Variants in RNFT2 observed in about 807,000 individuals in gnomAD.
The protein encoded by RNFT2 is ring finger protein, transmembrane 2, also known as E3 ubiquitin-protein ligase RNFT2.
RNFT2 carries 36 observed loss-of-function variants against 53.0 expected under a neutral mutation model. That is an observed-to-expected ratio of 0.68 (90% CI 0.52 to 0.90). The LOEUF (loss-of-function observed/expected upper bound fraction) is 0.90, where lower values mean the gene tolerates loss of function less well. Ranked by LOEUF, RNFT2 falls within the 40% of genes least tolerant of loss-of-function variation. The pLI is 0.00. For missense variants in RNFT2, 514 were observed against 585.6 expected, an observed-to-expected ratio of 0.88 and a Z score of 1.26; for synonymous variants, 260 against 253.2, an observed-to-expected ratio of 1.03 and a Z score of -0.26.
At chr12:116,785,606 CTGTT>C (rs1566080608) in intron 7 of RNFT2, among the ~76,000 whole-genome samples, 2 of 152,272 alleles carry the variant, frequency 1.3e-5, no homozygotes, top group East Asian at 1.9e-4. Flanking sequence ...TTTGAAAAGT[CTGTT>C]TGGCCCACCA....
chr12:116,739,974 G>C (rs147384549), intron 1 of RNFT2, among the ~76,000 whole-genome samples: 1 of 152,312 alleles, frequency 6.6e-6, no homozygotes, highest in African/African-American at 2.4e-5. Flanking sequence ...GGGAGGCCAA[G>C]GCAGGCGGAT....
chr12:116,770,905 A>T (rs978526165), intron 6 of RNFT2, among the ~76,000 whole-genome samples: 1 of 151,920 alleles, frequency 6.6e-6, no homozygotes, highest in Non-Finnish European at 1.5e-5. Context: ...TGTACTTTTT[A>T]AAAGTCCTTA....
chr12:116,786,269 G>A (rs201622019), intron 7 of RNFT2, among the ~76,000 whole-genome samples: 5 of 151,872 alleles, frequency 3.3e-5, no homozygotes, highest in Middle Eastern at 3.4e-3. Context: ...TTATAGACAC[G>A]TGCCACCACG....
chr12:116,750,874 A>AT (rs1872198706), intron 4 of RNFT2, among the ~76,000 whole-genome samples: 1 of 1,100 alleles, frequency 9.1e-4, no homozygotes, highest in Non-Finnish European at 4.8e-3. Flanking sequence ...TATATATAAT[A>AT]TATATATTAT....
At chr12:116,834,042 T>G (rs776770386) in intron 8 of RNFT2, 101 bp downstream of exon 8, 13 of 910,482 alleles carry the variant, frequency 1.4e-5, no homozygotes, top group Admixed American at 4.2e-5. Flanking sequence ...CATGCTGATT[T>G]ATTTATTTAT....
intron 7 of RNFT2, among the ~76,000 whole-genome samples, chr12:116,832,975 T>C (rs1450771311): frequency 1.4e-5 from 2 of 139,176 alleles, no homozygotes; most frequent in East Asian, 4.7e-4. Context: ...TACAGTGGTG[T>C]GATATCTTGG....
At chr12:116,816,683 T>A (rs1875699577) in intron 7 of RNFT2, among the ~76,000 whole-genome samples, 1 of 152,174 alleles carries the variant, frequency 6.6e-6, no homozygotes, top group Non-Finnish European at 1.5e-5. Context: ...GGTGAACTTC[T>A]CTGAAACTGA....
chr12:116,825,112 G>A (rs767396971), intron 7 of RNFT2, among the ~76,000 whole-genome samples: 1 of 152,136 alleles, frequency 6.6e-6, no homozygotes, highest in African/African-American at 2.4e-5. Context: ...GGCAGGAATG[G>A]CCTTCTTAAG....
At chr12:116,789,141 A>G (rs374612413) in intron 7 of RNFT2, among the ~76,000 whole-genome samples, 216 of 108,134 alleles carry the variant, frequency 2.0e-3, no homozygotes, top group Middle Eastern at 0.017. Context: ...TGGGTAAATG[A>G]GAGGAGAGTG....
At chr12:116,759,966 G>A (rs1252151167) in intron 5 of RNFT2, among the ~76,000 whole-genome samples, 3 of 152,150 alleles carry the variant, frequency 2.0e-5, no homozygotes, top group Admixed American at 6.5e-5. Flanking sequence ...TAGGAGGGAA[G>A]GACCATCGGG....
intron 7 of RNFT2, among the ~76,000 whole-genome samples, chr12:116,828,067 G>A (rs944026756): frequency 6.6e-6 from 1 of 152,154 alleles, no homozygotes; most frequent in African/African-American, 2.4e-5. Context: ...GGGTAGCCGT[G>A]TCCTTACCTG....
intron 7 of RNFT2, among the ~76,000 whole-genome samples, chr12:116,793,691 C>T (rs1369014027): frequency 6.6e-6 from 1 of 152,138 alleles, no homozygotes; most frequent in East Asian, 1.9e-4. Flanking sequence ...GCAGTTTTTT[C>T]CTGGATGTTT....
chr12:116,813,558 G>T (rs1208649351), intron 7 of RNFT2, among the ~76,000 whole-genome samples: 1 of 152,204 alleles, frequency 6.6e-6, no homozygotes, highest in Non-Finnish European at 1.5e-5. Flanking sequence ...GGCCACTTCT[G>T]TTGTGAATGC....
chr12:116,812,807 T>A (rs1236566190), intron 7 of RNFT2, among the ~76,000 whole-genome samples: 1 of 152,172 alleles, frequency 6.6e-6, no homozygotes, highest in Non-Finnish European at 1.5e-5. Context: ...GTGCTGGGAT[T>A]ACAGGTGTGA....
chr12:116,755,765 C>T, intron 5 of RNFT2: 1 of 1,492,160 alleles, frequency 6.7e-7, no homozygotes, highest in Non-Finnish European at 9.2e-7. Flanking sequence ...TACGATATCA[C>T]CTTTCTTATA....
intron 7 of RNFT2, among the ~76,000 whole-genome samples, chr12:116,788,904 G>A (rs1313141741): frequency 1.3e-5 from 2 of 151,262 alleles, no homozygotes; most frequent in Admixed American, 6.6e-5. Flanking sequence ...AATGGGAGGA[G>A]AGTGATGGAT....
chr12:116,755,100 T>C (rs922946881), intron 5 of RNFT2, among the ~76,000 whole-genome samples: 2 of 152,226 alleles, frequency 1.3e-5, no homozygotes, highest in Admixed American at 1.3e-4. Context: ...TGTTATCTTC[T>C]AGAATTTTTA....
In RNFT2 at chr12:116,743,240, AAAAACCG is replaced by A. The variant is rs1566066770; in HGVS notation, c.83+2147_83+2153del. Among the ~76,000 whole-genome samples the A allele has an allele frequency of 3.2e-4, 33 of 102,752 alleles. 6 individuals are homozygous for A. In the East Asian group the frequency reaches 4.7e-3, roughly 15 times the overall value. 67.4% of individuals were successfully genotyped at this position (102,752 alleles called of 152,430 possible). On this transcript the variant is annotated intron_variant, in intron 3 of 10. Coordinates refer to ENST00000257575, the MANE Select transcript of RNFT2 (RefSeq NM_001382266.1). ...AAAAAAAAAAAAAAAAAAAAAAAAA[AAAAACCG>A]GTTAAAAAACACTCATGAGCTAGAA...
At chr12:116,800,812 T>TGAAAATAAAA (rs142455219) in intron 7 of RNFT2, among the ~76,000 whole-genome samples, 1 of 114,790 alleles carries the variant, frequency 8.7e-6, no homozygotes, top group Non-Finnish European at 1.8e-5. Context: ...AGACTCCATC[T>TGAAAATAAAA]TAAAATAAAA....
Sources: gnomAD v4.1 joint callset for allele counts (sites outside exome capture counted in the v4.1 genomes callset) on GRCh38, gnomAD v4.1.1 for gene constraint, MANE v1.5 for transcripts, NCBI Gene and HGNC (gene_info 2026-07-23, HGNC 2026-07-21) for gene names.